Variants in PGS1 observed in about 807,000 individuals in gnomAD.
The protein encoded by PGS1 is CDP-diacylglycerol--glycerol-3-phosphate 3-phosphatidyltransferase, mitochondrial.
In PGS1, 44 loss-of-function variants were observed where a neutral mutation model predicts 58.3. That is an observed-to-expected ratio of 0.75 (90% CI 0.59 to 0.97). The LOEUF (loss-of-function observed/expected upper bound fraction) is 0.97, where lower values mean the gene tolerates loss of function less well. PGS1 is among the 50% of genes least tolerant of loss of function. PGS1 has a pLI of 0.00. For synonymous variants in PGS1, 330 were observed against 311.0 expected, an observed-to-expected ratio of 1.06 and a Z score of -0.64; for missense variants, 684 against 731.1, an observed-to-expected ratio of 0.94 and a Z score of 0.74.
chr17:78,398,387 TG>T (rs2083405516), intron 4 of PGS1, 36 bp downstream of exon 4: 2 of 1,384,962 alleles, frequency 1.4e-6, no homozygotes, highest in East Asian at 4.6e-5. Context: ...TCCTGCTTCC[TG>T]TGTCAGATCC....
At position 78,400,638 on chromosome 17, in the gene PGS1, T is replaced by TG. The variant is rs1300567498; in HGVS notation, c.702-38dup. On this transcript the variant is annotated intron_variant, in intron 5 of 9. Transcript: ENST00000262764. This position sits in a 1 kb window ranked among gnomAD's most constrained non-coding sequence, Gnocchi z 4.4. ...ACCAGGACACGCTGCTGCATACCCT[T>TG]GCCTGAGTCCTCCTCACCTGCATCT... The TG allele has an allele frequency of 4.4e-6, 7 of 1,596,030 alleles. No homozygotes were observed. Among genetic ancestry groups the TG allele is most frequent in the Non-Finnish European group, 6.0e-6 (7 of 1,165,110 alleles).
chr17:78,400,382 C>G lies in PGS1; in HGVS notation c.702-295C>G, dbSNP rs1422889332. On this transcript the variant is annotated intron_variant, in intron 5 of 9. Transcript: ENST00000262764. This position sits in a 1 kb window ranked among gnomAD's most constrained non-coding sequence, Gnocchi z 4.4. ...CCTGGGCGACAGAATGAGATTGTCT[C>G]AAAAAAAAAAAAAGCCCTGTGTGGT... Among the ~76,000 whole-genome samples the G allele has an allele frequency of 7.4e-6, 1 of 134,568 alleles. No individual in the cohort carries two copies. The highest frequency in any genetic ancestry group is 2.8e-5 in the African/African-American group (1 of 36,010). The allele number at this position is 134,568 out of a possible 152,430, so 88.3% of individuals were successfully genotyped here. A position where few individuals can be genotyped will look rare whatever the true frequency, so the allele number is the denominator to read the frequency against.
At chr17:78,387,767 CTT>C (rs1396119543) in intron 1 of PGS1, among the ~76,000 whole-genome samples, 1 of 151,688 alleles carries the variant, frequency 6.6e-6, no homozygotes, top group South Asian at 2.1e-4. Context: ...GCCTGGCTAA[CTT>C]TTAATTTTTC....
chr17:78,405,287 C>T (rs923842814), intron 7 of PGS1, among the ~76,000 whole-genome samples: 6 of 152,228 alleles, frequency 3.9e-5, no homozygotes, highest in African/African-American at 1.2e-4. Flanking sequence ...TGAGCCACTG[C>T]GCCCGGCTGG....
At chr17:78,390,617 T>TC (rs1234402813) in intron 1 of PGS1, among the ~76,000 whole-genome samples, 1 of 152,174 alleles carries the variant, frequency 6.6e-6, no homozygotes, top group Non-Finnish European at 1.5e-5. Flanking sequence ...GAGCATCCTC[T>TC]CCCCCACGTC....
intron 9 of PGS1, 155 bp from the exon 10 acceptor site, chr17:78,423,906 C>CTAA (rs1363704908): frequency 1.2e-6 from 2 of 1,613,908 alleles, no homozygotes; most frequent in Admixed American, 3.3e-5. Context: ...CAGGAGCGAG[C>CTAA]TAAACCTGTA....
At position 78,423,010 on chromosome 17, in the gene PGS1, C is replaced by T. The variant is rs568478428; in HGVS notation, c.*11-1051C>T. On this transcript the variant is annotated intron_variant, in intron 9 of 9. Coordinates refer to ENST00000262764, the MANE Select transcript of PGS1 (RefSeq NM_024419.5). ...ACTTGGGAGGTTGAGGCAGGAGAAT[C>T]GCTTGAGCCCAGGAGGTGGAGGTTG... Among the ~76,000 whole-genome samples the T allele has an allele frequency of 6.6e-5, 10 of 151,762 alleles. No homozygotes were observed. In the East Asian group the frequency reaches 9.8e-4, roughly 15 times the overall value.
intron 9 of PGS1, chr17:78,420,356 C>A (rs139931082): frequency 2.4e-6 from 1 of 411,386 alleles, no homozygotes; most frequent in African/African-American, 2.2e-5. Flanking sequence ...CCTAGAGGTC[C>A]GGGCAGGGGG....
chr17:78,391,409 T>C (rs1213712829), intron 1 of PGS1, among the ~76,000 whole-genome samples: 2 of 152,166 alleles, frequency 1.3e-5, no homozygotes, highest in Non-Finnish European at 2.9e-5. Flanking sequence ...AGCCTTGAAC[T>C]CTTGGGCTCA....
At chr17:78,403,217 C>T (rs916288240) in intron 6 of PGS1, among the ~76,000 whole-genome samples, 1 of 152,050 alleles carries the variant, frequency 6.6e-6, no homozygotes, top group Admixed American at 6.5e-5. Context: ...GGAGGCCCCC[C>T]GTATGTCCCC....
At chr17:78,405,922 G>A (rs1175625431) in intron 7 of PGS1, among the ~76,000 whole-genome samples, 1 of 152,218 alleles carries the variant, frequency 6.6e-6, no homozygotes, top group Non-Finnish European at 1.5e-5. Context: ...GCACACAGCT[G>A]TGTTGTTGAG....
intron 1 of PGS1, among the ~76,000 whole-genome samples, chr17:78,386,269 C>A (rs968047603): frequency 6.6e-6 from 1 of 152,138 alleles, no homozygotes; most frequent in Non-Finnish European, 1.5e-5. Context: ...TTGGTTGTTG[C>A]TGAGGTTGGT....
Position 78,419,541 on chromosome 17 carries a change from C to T in PGS1, c.1552-5C>T. On this transcript the variant is annotated splice_polypyrimidine_tract_variant and splice_region_variant and intron_variant, in intron 8 of 9. Transcript: ENST00000262764. Reference sequence around the variant, plus strand: ...TCACTATTCCTGTCTGTTCCTCTTCCTCAGGAGCAAGAGCAGCTCTACCTG... The same window carrying T: ...TCACTATTCCTGTCTGTTCCTCTTCTTCAGGAGCAAGAGCAGCTCTACCTG... 6.2e-7 allele frequency: 1 copy of T among 1,613,560 alleles called. No individual in the cohort carries two copies. The highest frequency in any genetic ancestry group is 8.5e-7 in the Non-Finnish European group (1 of 1,179,654).
chr17:78,393,682 T>G (rs962321164), intron 2 of PGS1, among the ~76,000 whole-genome samples: 1 of 152,168 alleles, frequency 6.6e-6, no homozygotes, highest in Non-Finnish European at 1.5e-5. Context: ...TAGTCTTGGT[T>G]CTTTAGGGAC....
At position 78,424,312 on chromosome 17, in the gene PGS1, G is replaced by T; in HGVS notation, c.*262G>T. 1 of 859,112 alleles carries T rather than the reference G, an allele frequency of 1.2e-6. No homozygotes were observed. Among genetic ancestry groups the T allele is most frequent in the Middle Eastern group, 3.6e-4 (1 of 2,750 alleles). 53.2% of individuals were successfully genotyped at this position (859,112 alleles called of 1,614,324 possible). A position where few individuals can be genotyped will look rare whatever the true frequency, so the allele number is the denominator to read the frequency against. ...GCCACGGCTGGAAGCAGAGGCCTTC[G>T]TAGGTGATGGCCTGCATGTTGTAAC... On this transcript the variant is annotated 3_prime_UTR_variant, in exon 10 of 10. Transcript: ENST00000262764.
intron 9 of PGS1, among the ~76,000 whole-genome samples, chr17:78,422,369 A>G (rs928484119): frequency 5.9e-5 from 9 of 152,026 alleles, no homozygotes; most frequent in Admixed American, 5.9e-4. Flanking sequence ...GTTGTGAATC[A>G]TTACCCTCAG....
intron 9 of PGS1, among the ~76,000 whole-genome samples, chr17:78,422,427 ACTTGG>A (rs2085912138): frequency 7.8e-6 from 1 of 128,952 alleles, no homozygotes; most frequent in Admixed American, 7.6e-5. Flanking sequence ...AGGTGAGTAA[ACTTGG>A]AAAAATGTTT....
intron 7 of PGS1, among the ~76,000 whole-genome samples, chr17:78,410,704 C>T (rs999798816): frequency 6.6e-6 from 1 of 151,964 alleles, no homozygotes; most frequent in Non-Finnish European, 1.5e-5. Context: ...GAACTCCTGA[C>T]CTTGTGATCT....
intron 7 of PGS1, among the ~76,000 whole-genome samples, chr17:78,412,614 C>A (rs1312761985): frequency 6.6e-6 from 1 of 152,312 alleles, no homozygotes; most frequent in African/African-American, 2.4e-5. Flanking sequence ...ATGTGTAGAA[C>A]CACGCACCTC....
Sources: allele counts gnomAD v4.1 joint callset (sites outside exome capture counted in the v4.1 genomes callset), GRCh38; gene constraint gnomAD v4.1.1; non-coding constraint Gnocchi (gnomAD v3.1); transcripts MANE v1.5; gene names NCBI Gene and HGNC (gene_info 2026-07-23, HGNC 2026-07-21).